DPP10: variants seen among roughly 807,000 people sequenced by gnomAD.
The protein encoded by DPP10 is dipeptidyl peptidase like 10.
A neutral mutation model predicts 120.9 loss-of-function variants in DPP10; 33 were observed. The observed-to-expected ratio is 0.27, with a 90% CI of 0.21 to 0.37. The LOEUF (loss-of-function observed/expected upper bound fraction) is 0.37. DPP10 is among the 10% of genes least tolerant of loss of function. DPP10 has a pLI of 1.00. For synonymous variants in DPP10, 337 were observed against 326.1 expected, an observed-to-expected ratio of 1.03 and a Z score of -0.36; for missense variants, 816 against 942.8, an observed-to-expected ratio of 0.87 and a Z score of 1.76.
In DPP10 at chr2:114,830,765, G is replaced by T. The variant is rs147792579; in HGVS notation, c.60+387927G>T. The stretch of plus-strand genomic sequence containing the variant: ...CATAGTTTCTTTATCAGGCCTAACA[G>T]AATAACTTTTACTGTATTAAATAGT... On this transcript the variant is annotated intron_variant, in intron 1 of 25. Transcript: ENST00000410059. Among the ~76,000 whole-genome samples the T allele has an allele frequency of 1.9e-3, 285 of 152,084 alleles. 1 individual carries two copies. The highest frequency in any genetic ancestry group is 6.7e-3 in the African/African-American group (277 of 41,496).
chr2:114,815,480 G>C (rs750664024), intron 1 of DPP10, among the ~76,000 whole-genome samples: 3 of 152,054 alleles, frequency 2.0e-5, no homozygotes, highest in Non-Finnish European at 4.4e-5. Context: ...AGGACAGAAG[G>C]GTTACAATCA....
At chr2:114,512,435 T>G (rs1684224362) in intron 1 of DPP10, among the ~76,000 whole-genome samples, 1 of 152,204 alleles carries the variant, frequency 6.6e-6, no homozygotes, top group South Asian at 2.1e-4. Context: ...AAACTGCATT[T>G]TCTGCTTTGG....
intron 1 of DPP10, among the ~76,000 whole-genome samples, chr2:115,248,522 G>A (rs774333524): frequency 2.6e-5 from 4 of 152,034 alleles, no homozygotes; most frequent in Non-Finnish European, 2.9e-5. Flanking sequence ...GGAGTAACCT[G>A]CTGCTACGTT....
intron 1 of DPP10, among the ~76,000 whole-genome samples, chr2:114,472,962 A>G (rs777263678): frequency 6.6e-6 from 1 of 152,160 alleles, no homozygotes; most frequent in Non-Finnish European, 1.5e-5. Context: ...TGTGATTCCA[A>G]CTTAGAGTGC....
chr2:115,024,499 T>C (rs1703312936), intron 1 of DPP10, among the ~76,000 whole-genome samples: 2 of 151,676 alleles, frequency 1.3e-5, no homozygotes, highest in Non-Finnish European at 1.5e-5. Context: ...TACACGTACA[T>C]ATTTTTCTTA....
At chr2:115,382,278 C>A (rs1175556529) in intron 3 of DPP10, among the ~76,000 whole-genome samples, 1 of 152,148 alleles carries the variant, frequency 6.6e-6, no homozygotes, top group Non-Finnish European at 1.5e-5. Flanking sequence ...TTTTTTAAGC[C>A]CTTTGGAAAA....
At chr2:114,882,007 A>G (rs1327806655) in intron 1 of DPP10, among the ~76,000 whole-genome samples, 3 of 152,174 alleles carry the variant, frequency 2.0e-5, no homozygotes, top group Non-Finnish European at 2.9e-5. Context: ...TGCAACAAGT[A>G]TGTAAGTATG....
chr2:115,193,763 A>T (rs2055049529), intron 1 of DPP10, among the ~76,000 whole-genome samples: 1 of 152,176 alleles, frequency 6.6e-6, no homozygotes, highest in African/African-American at 2.4e-5. Flanking sequence ...CAATTTTCCT[A>T]ACTCTATTTC....
chr2:114,493,831 C>A (rs373610729), intron 1 of DPP10, among the ~76,000 whole-genome samples: 1 of 152,014 alleles, frequency 6.6e-6, no homozygotes, highest in Non-Finnish European at 1.5e-5. Flanking sequence ...AGGCCATGAA[C>A]GATGGTAAAA....
intron 1 of DPP10, among the ~76,000 whole-genome samples, chr2:114,505,246 A>C (rs954080262): frequency 6.7e-6 from 1 of 149,728 alleles, no homozygotes; most frequent in Non-Finnish European, 1.5e-5. Flanking sequence ...ATAAATTTTT[A>C]AAGAAATGAT....
intron 1 of DPP10, among the ~76,000 whole-genome samples, chr2:115,055,272 G>C (rs1057182103): frequency 6.6e-6 from 1 of 152,106 alleles, no homozygotes; most frequent in Non-Finnish European, 1.5e-5. Flanking sequence ...CATAAAGCTT[G>C]TCCTGGTTTT....
At chr2:114,889,007 G>T (rs1162921129) in intron 1 of DPP10, among the ~76,000 whole-genome samples, 1 of 152,174 alleles carries the variant, frequency 6.6e-6, no homozygotes, top group African/African-American at 2.4e-5. Flanking sequence ...GCATTAGAGT[G>T]GGCTCTAATC....
At chr2:115,246,944 T>C (rs971491266) in intron 1 of DPP10, among the ~76,000 whole-genome samples, 2 of 152,064 alleles carry the variant, frequency 1.3e-5, no homozygotes, top group African/African-American at 4.8e-5. Context: ...TGCAAATGAA[T>C]GAATGAGAGA....
intron 1 of DPP10, among the ~76,000 whole-genome samples, chr2:114,493,354 C>T (rs1419071320): frequency 6.6e-6 from 1 of 152,104 alleles, no homozygotes; most frequent in African/African-American, 2.4e-5. Flanking sequence ...TAAAGCAAAG[C>T]AGGTATAGTG....
At chr2:115,056,356 A>G (rs896345213) in intron 1 of DPP10, among the ~76,000 whole-genome samples, 5 of 152,078 alleles carry the variant, frequency 3.3e-5, no homozygotes, top group Admixed American at 6.6e-5. Flanking sequence ...CCATGATTAT[A>G]GGTTCTGAAT....
In DPP10 at chr2:114,812,297, CT is replaced by C. The variant is rs1685241451; in HGVS notation, c.60+369463del. Among the ~76,000 whole-genome samples the C allele has an allele frequency of 2.0e-5, 3 of 152,122 alleles. No individual in the cohort carries two copies. The South Asian group carries it at 6.2e-4, about 32-fold the overall frequency. On this transcript the variant is annotated intron_variant, in intron 1 of 25. Transcript: ENST00000410059. Reference sequence around the variant, plus strand: ...TTTTTCTTAAAATGACGGTGTGAATCTTTTACTCAAGAATTGTAACTAGGCT... The same window carrying C: ...TTTTTCTTAAAATGACGGTGTGAATCTTTACTCAAGAATTGTAACTAGGCT...
chr2:114,809,882 G>C (rs1480846891), intron 1 of DPP10, among the ~76,000 whole-genome samples: 1 of 152,146 alleles, frequency 6.6e-6, no homozygotes, highest in Admixed American at 6.5e-5. Flanking sequence ...AAGACGAGCT[G>C]TTCTTTTCCC....
At chr2:115,603,055 T>A (rs2083432965) in intron 5 of DPP10, among the ~76,000 whole-genome samples, 2 of 152,050 alleles carry the variant, frequency 1.3e-5, no homozygotes, top group Admixed American at 6.6e-5. Context: ...CCTGACATGT[T>A]TAAGGGTCAT....
intron 1 of DPP10, among the ~76,000 whole-genome samples, chr2:114,657,512 T>C (rs1697055118): frequency 6.6e-6 from 1 of 152,222 alleles, no homozygotes; most frequent in Non-Finnish European, 1.5e-5. Context: ...TCAATGGTTT[T>C]CTTTTCTCTA....
Sources: allele counts gnomAD v4.1 joint callset (sites outside exome capture counted in the v4.1 genomes callset), GRCh38; gene constraint gnomAD v4.1.1; transcripts MANE v1.5; gene names NCBI Gene and HGNC (gene_info 2026-07-23, HGNC 2026-07-21).